SRI: variants seen among roughly 807,000 people sequenced by gnomAD.
SRI encodes sorcin, also known as 22 kDa protein.
Under a neutral mutation model 33.3 loss-of-function variants are expected in SRI, and 30 were observed. The observed-to-expected ratio is 0.90, with a 90% CI of 0.67 to 1.22. SRI has a LOEUF of 1.22. SRI is among the 50% of genes most tolerant of loss of function. The probability of loss-of-function intolerance (pLI) is 0.00; values close to 1 mark genes in which losing one functional copy is unlikely to be tolerated. For missense variants in SRI, 243 were observed against 250.8 expected, an observed-to-expected ratio of 0.97 and a Z score of 0.21; for synonymous variants, 75 against 89.9, an observed-to-expected ratio of 0.83 and a Z score of 0.94.
chr7:88,212,014 A>T (rs1851589772), intron 3 of SRI, among the ~76,000 whole-genome samples: 1 of 152,278 alleles, frequency 6.6e-6, no homozygotes, highest in African/African-American at 2.4e-5. Context: ...CAAAGAAGCT[A>T]CAACGCTAAA....
At chr7:88,221,090 A>T (rs1198015757), upstream of SRI, among the ~76,000 whole-genome samples, 1 of 152,188 alleles carries the variant, frequency 6.6e-6, no homozygotes, top group Non-Finnish European at 1.5e-5. Context: ...AATAAGCAAG[A>T]TTCACAGTAT....
rs1851529384 is a variant in SRI at position 88,209,889 on chromosome 7, T to C, written c.397+94A>G. The C allele has an allele frequency of 3.3e-6, 5 of 1,534,602 alleles. No individual in the cohort carries two copies. The Admixed American group carries it at 8.4e-5, about 26-fold the overall frequency. ...CCTTGGCCTCCCAAAGTGCTGGGATTACAGGTGTGAGCCACTGCACCCAGC... is the reference window on the plus strand; with the variant it reads ...CCTTGGCCTCCCAAAGTGCTGGGATCACAGGTGTGAGCCACTGCACCCAGC... On this transcript the variant is annotated intron_variant, in intron 5 of 7. Transcript: ENST00000265729.
chr7:88,208,702 C>CA lies in SRI; in HGVS notation c.512-138dup. 3.7e-6 allele frequency: 5 copies of CA among 1,338,160 alleles called. No individual in the cohort carries two copies. The South Asian group carries it at 6.7e-5, about 18-fold the overall frequency. The allele number at this position is 1,338,160 out of a possible 1,614,324, so 82.9% of individuals were successfully genotyped here. A position where few individuals can be genotyped will look rare whatever the true frequency, so the allele number is the denominator to read the frequency against. On this transcript the variant is annotated intron_variant, in intron 6 of 7. Transcript: ENST00000265729. ...CAACCAATTAACATAAACAAAAGAC[C>CA]AAAGCAAAGAAGCCAACTATATGAA...
chr7:88,217,655 G>A (rs970188971), intron 2 of SRI, among the ~76,000 whole-genome samples: 1 of 152,138 alleles, frequency 6.6e-6, no homozygotes, highest in African/African-American at 2.4e-5. Context: ...TTCACTGGCT[G>A]AACTGGGAAA....
At chr7:88,220,222 C>T (rs1412217752), upstream of SRI, 1 of 1,311,712 alleles carries the variant, frequency 7.6e-7, no homozygotes, top group Non-Finnish European at 9.7e-7. Context: ...CGTATCTTTG[C>T]CATTACGGCG....
chr7:88,210,585 C>T (rs1851551798), intron 4 of SRI: 1 of 396,988 alleles, frequency 2.5e-6, no homozygotes, highest in Admixed American at 4.0e-5. Context: ...TGTGAAAAAT[C>T]CCATCACTTG....
intron 4 of SRI, 106 bp from the exon 5 acceptor site, chr7:88,210,236 T>C (rs578016784): frequency 1.6e-5 from 21 of 1,275,146 alleles, no homozygotes; most frequent in African/African-American, 1.5e-4. Flanking sequence ...AAAAAAGTTA[T>C]TGTAGATTAT....
upstream of SRI, chr7:88,220,104 AG>A (rs752341625): frequency 7.2e-4 from 1,035 of 1,433,678 alleles, 1 homozygote; most frequent in South Asian, 3.0e-3. Flanking sequence ...CCCTGCCGCT[AG>A]GGGGCCGCCC....
chr7:88,214,891 A>T (rs1375619606), intron 3 of SRI: 1 of 1,105,292 alleles, frequency 9.0e-7, no homozygotes, highest in South Asian at 1.3e-5. Flanking sequence ...CTAGAAGGAA[A>T]GCCCTACCTC....
At chr7:88,208,095 A>G (rs747124565) in intron 7 of SRI, 2 of 158,882 alleles carry the variant, frequency 1.3e-5, no homozygotes, top group Non-Finnish European at 2.8e-5. Context: ...AGTGACTGAC[A>G]TGATTTGTTT....
intron 1 of SRI, 26 bp downstream of exon 1, chr7:88,219,950 C>A: frequency 6.5e-7 from 1 of 1,538,260 alleles, no homozygotes. Context: ...CCGCCTGGGC[C>A]GCGATCCCGC....
chr7:88,222,272 C>T (rs1350834846), upstream of SRI, among the ~76,000 whole-genome samples: 1 of 150,128 alleles, frequency 6.7e-6, no homozygotes, highest in Admixed American at 6.6e-5. Flanking sequence ...CACTGACTTC[C>T]ACAATGGTTG....
rs1563475932 is a variant in SRI, at chr7:88,217,171, AT to A, written c.155del (p.Asp52ValfsTer7). 1 of 1,612,902 alleles carries A rather than the reference AT, an allele frequency of 6.2e-7. No homozygotes were observed. The part of the protein sequence containing the change: ...VAGQDGQIDA[D>X]ELQRCLTQSG... ...ACTGTGTCAGACATCTCTGCAATTC[AT>A]CAGCATCTATCTGCCCATCCTTTTG... On this transcript the variant is annotated frameshift_variant, in exon 3 of 8. Coordinates refer to ENST00000265729, the MANE Select transcript of SRI (RefSeq NM_003130.4). LOFTEE classifies it high-confidence loss of function.
At chr7:88,211,359 G>C (rs559310034) in intron 3 of SRI, among the ~76,000 whole-genome samples, 68 of 152,240 alleles carry the variant, frequency 4.5e-4, no homozygotes, top group African/African-American at 1.6e-3. Context: ...GAAGGTTGAG[G>C]CAGGAGAATT....
intron 7 of SRI, among the ~76,000 whole-genome samples, chr7:88,206,921 C>A (rs2115732679): frequency 6.6e-6 from 1 of 152,220 alleles, no homozygotes; most frequent in East Asian, 1.9e-4. Context: ...TAATGGAACA[C>A]CTTAAACAGT....
rs567561369 is a variant in SRI at position 88,216,227 on chromosome 7, C to T, written c.205+895G>A. Among the ~76,000 whole-genome samples, 330 of 152,312 alleles carry T rather than the reference C, an allele frequency of 2.2e-3. 1 individual carries two copies. The highest frequency in any genetic ancestry group is 7.8e-3 in the African/African-American group (323 of 41,564). On this transcript the variant is annotated intron_variant, in intron 3 of 7. Transcript: ENST00000265729. ...TCCCGGGCTCAAGCAATCCTCCCAC[C>T]TCAGTCTCCTAAAGTGCTGGGATTA...
intron 7 of SRI, 143 bp downstream of exon 7, chr7:88,208,364 G>GA: frequency 7.0e-7 from 1 of 1,418,734 alleles, no homozygotes. Context: ...ATAAATTCTG[G>GA]ATGATAACTC....
At chr7:88,219,033 C>T in intron 1 of SRI, 91 bp from the exon 2 acceptor site, 1 of 1,062,536 alleles carries the variant, frequency 9.4e-7, no homozygotes, top group Non-Finnish European at 1.4e-6. Flanking sequence ...CAGACAACTG[C>T]CCGCCTGCCC....
chr7:88,214,824 T>G, intron 3 of SRI: 1 of 1,197,828 alleles, frequency 8.3e-7, no homozygotes, highest in Non-Finnish European at 1.1e-6. Flanking sequence ...TTCTGTTCAT[T>G]CTACTAGAAT....
Sources: allele counts gnomAD v4.1 joint callset (sites outside exome capture counted in the v4.1 genomes callset), GRCh38; gene constraint gnomAD v4.1.1; transcripts MANE v1.5; gene names NCBI Gene and HGNC (gene_info 2026-07-23, HGNC 2026-07-21).